The following CNOT10 variants were observed in gnomAD, a reference collection of about 807,000 sequenced individuals.
CNOT10 encodes CCR4-NOT transcription complex, subunit 10.
A neutral mutation model predicts 94.6 loss-of-function variants in CNOT10; 30 were observed. The observed-to-expected ratio is 0.32, with a 90% CI of 0.24 to 0.43. CNOT10 has a LOEUF of 0.43. Among genes scored for constraint, CNOT10 ranks in the 20% least tolerant of loss-of-function variants. The pLI is 1.00. For missense variants in CNOT10, 759 were observed against 877.2 expected, an observed-to-expected ratio of 0.87 and a Z score of 1.70; for synonymous variants, 289 against 301.6, an observed-to-expected ratio of 0.96 and a Z score of 0.43.
intron 10 of CNOT10, among the ~76,000 whole-genome samples, chr3:32,731,650 ATT>A (rs1698960413): frequency 6.6e-6 from 1 of 151,888 alleles, no homozygotes; most frequent in East Asian, 1.9e-4. Context: ...TAATTTTTGT[ATT>A]TCTTTGTAGA....
At chr3:32,754,485 A>ATATATATAT (rs1415191433) in intron 13 of CNOT10, among the ~76,000 whole-genome samples, 13 of 48,402 alleles carry the variant, frequency 2.7e-4, no homozygotes, top group Admixed American at 1.3e-3. Context: ...TCAAAAAAAA[A>ATATATATAT]AAAAATACAT....
chr3:32,688,490 G>A (rs1696720140), intron 1 of CNOT10, among the ~76,000 whole-genome samples: 1 of 152,108 alleles, frequency 6.6e-6, no homozygotes, highest in South Asian at 2.1e-4. Flanking sequence ...CCAGCTAGCT[G>A]GGAGGCTGAG....
At chr3:32,726,995 T>C (rs879709095) in intron 9 of CNOT10, among the ~76,000 whole-genome samples, 5 of 151,732 alleles carry the variant, frequency 3.3e-5, no homozygotes, top group Non-Finnish European at 7.4e-5. Context: ...TACAGGCACA[T>C]GCCACCATGC....
chr3:32,770,543 T>G (rs1700858326), intron 18 of CNOT10, among the ~76,000 whole-genome samples: 1 of 151,852 alleles, frequency 6.6e-6, no homozygotes, highest in African/African-American at 2.4e-5. Flanking sequence ...GCCACGATGG[T>G]CTCGATCTCC....
rs772756422 is a variant in CNOT10, at chr3:32,708,666, A to T, written c.280-4A>T. On this transcript the variant is annotated splice_region_variant and splice_polypyrimidine_tract_variant and intron_variant, in intron 3 of 18. Transcript: ENST00000328834. ...AAATATAACCTCTGTTGATTGCTTT[A>T]TAGGTCCACTCAGCTGTTGAAGAAA... 1 of 1,607,860 alleles carries T rather than the reference A, an allele frequency of 6.2e-7. No homozygotes were observed. The highest frequency in any genetic ancestry group is 8.5e-7 in the Non-Finnish European group (1 of 1,178,192).
At chr3:32,743,940 A>G (rs1415072845) in intron 13 of CNOT10, among the ~76,000 whole-genome samples, 4 of 152,148 alleles carry the variant, frequency 2.6e-5, no homozygotes, top group Admixed American at 1.3e-4. Context: ...ATTCTGTAGT[A>G]TATATATATT....
intron 1 of CNOT10, among the ~76,000 whole-genome samples, chr3:32,702,484 C>G (rs903190933): frequency 1.3e-5 from 2 of 152,130 alleles, no homozygotes; most frequent in African/African-American, 2.4e-5. Flanking sequence ...TTAACCTTTA[C>G]TGTGAATTTA....
At chr3:32,726,249 T>C (rs1170724327) in intron 9 of CNOT10, among the ~76,000 whole-genome samples, 4 of 152,196 alleles carry the variant, frequency 2.6e-5, no homozygotes, top group African/African-American at 4.8e-5. Context: ...CGGCTTGTTA[T>C]AGATTCTTTG....
intron 13 of CNOT10, among the ~76,000 whole-genome samples, chr3:32,748,870 G>A (rs997228753): frequency 1.3e-5 from 2 of 151,182 alleles, no homozygotes; most frequent in African/African-American, 2.4e-5. Flanking sequence ...TTGCTCTGCC[G>A]CCCAGGCTGG....
intron 14 of CNOT10, 91 bp from the exon 15 acceptor site, chr3:32,762,642 G>A: frequency 7.6e-7 from 1 of 1,321,300 alleles, no homozygotes; most frequent in Non-Finnish European, 1.0e-6. Flanking sequence ...TATATCCAAT[G>A]TATAATAACA....
chr3:32,757,066 A>G lies in CNOT10; in HGVS notation c.1596-2392A>G, dbSNP rs1242036331. Reference sequence around the variant, plus strand: ...GGTTGCAGTCAGCCGAGATTGCACCACTGCACTCCAGCCCAGGCAACAGAG... The same window carrying G: ...GGTTGCAGTCAGCCGAGATTGCACCGCTGCACTCCAGCCCAGGCAACAGAG... On this transcript the variant is annotated intron_variant, in intron 13 of 18. Transcript: ENST00000328834. Among the ~76,000 whole-genome samples the G allele has an allele frequency of 2.8e-5, 4 of 144,258 alleles. No individual in the cohort carries two copies. In the East Asian group the frequency reaches 8.9e-4, roughly 32 times the overall value. The allele number at this position is 144,258 out of a possible 152,430, so 94.6% of individuals were successfully genotyped here.
intron 13 of CNOT10, chr3:32,752,962 T>G (rs1700028052): frequency 6.7e-6 from 3 of 449,438 alleles, no homozygotes; most frequent in East Asian, 5.8e-5. Flanking sequence ...TTCCAGAGCT[T>G]CTTGGATACT....
In CNOT10 at chr3:32,702,664, G is replaced by A. The variant is rs117867903; in HGVS notation, c.23-1204G>A. On this transcript the variant is annotated intron_variant, in intron 1 of 18. Coordinates refer to ENST00000328834, the MANE Select transcript of CNOT10 (RefSeq NM_015442.3). ...TATAAATCTCTTAAAGCCATCGTAGGTGTGTTTATATCTCCAGCACCTGCC... is the reference window on the plus strand; with the variant it reads ...TATAAATCTCTTAAAGCCATCGTAGATGTGTTTATATCTCCAGCACCTGCC... Among the ~76,000 whole-genome samples the A allele has an allele frequency of 6.8e-4, 103 of 152,224 alleles. 2 individuals carry two copies. The East Asian group carries it at 0.018, about 27-fold the overall frequency.
intron 18 of CNOT10, among the ~76,000 whole-genome samples, chr3:32,772,848 T>G (rs898939516): frequency 6.6e-6 from 1 of 152,094 alleles, no homozygotes; most frequent in Non-Finnish European, 1.5e-5. Context: ...GGTTAGTGCA[T>G]TGCCCTAGAT....
intron 3 of CNOT10, 103 bp downstream of exon 3, chr3:32,705,075 T>A (rs1445992449): frequency 2.5e-6 from 2 of 787,600 alleles, no homozygotes; most frequent in East Asian, 3.2e-5. Context: ...TGGTATTTCT[T>A]GTCAGAAACA....
At chr3:32,742,367 T>A (rs931331652) in intron 13 of CNOT10, among the ~76,000 whole-genome samples, 1 of 151,882 alleles carries the variant, frequency 6.6e-6, no homozygotes, top group Non-Finnish European at 1.5e-5. Context: ...GCTTTTTGTT[T>A]TGTTTTGGTG....
chr3:32,758,899 G>A (rs374410887), intron 13 of CNOT10, among the ~76,000 whole-genome samples: 6 of 152,024 alleles, frequency 3.9e-5, no homozygotes, highest in East Asian at 1.9e-4. Context: ...AATAGTAACT[G>A]TGTGAATAAA....
chr3:32,700,242 C>T (rs575007301), intron 1 of CNOT10, among the ~76,000 whole-genome samples: 1 of 152,250 alleles, frequency 6.6e-6, no homozygotes, highest in African/African-American at 2.4e-5. Context: ...TCCCAAAGTG[C>T]TGGGATTACA....
chr3:32,738,512 G>A (rs576447115), intron 13 of CNOT10, among the ~76,000 whole-genome samples: 4 of 150,892 alleles, frequency 2.7e-5, no homozygotes, highest in Non-Finnish European at 2.9e-5. Context: ...TCCCAGGCTG[G>A]AGTGCAGTGG....
Sources: allele counts gnomAD v4.1 joint callset (sites outside exome capture counted in the v4.1 genomes callset), GRCh38; gene constraint gnomAD v4.1.1; transcripts MANE v1.5; gene names NCBI Gene and HGNC (gene_info 2026-07-23, HGNC 2026-07-21).